The following PCDH9 variants were observed in gnomAD, a reference collection of about 807,000 sequenced individuals.
PCDH9 encodes the protein protocadherin 9.
A neutral mutation model predicts 70.6 loss-of-function variants in PCDH9; 24 were observed. That is an observed-to-expected ratio of 0.34 (90% CI 0.25 to 0.48). The LOEUF is 0.48. Among genes scored for constraint, PCDH9 ranks in the 20% least tolerant of loss-of-function variants. The pLI is 0.99. For missense variants in PCDH9, 1,281 were observed against 1,503.6 expected, an observed-to-expected ratio of 0.85 and a Z score of 2.45; for synonymous variants, 562 against 558.5, an observed-to-expected ratio of 1.01 and a Z score of -0.09.
intron 2 of PCDH9, among the ~76,000 whole-genome samples, chr13:67,043,617 A>C (rs998215942): frequency 6.6e-6 from 1 of 152,226 alleles, no homozygotes; most frequent in South Asian, 2.1e-4. Flanking sequence ...ATAGACAGAC[A>C]TCTAGGCTGA....
At chr13:67,141,628 A>G (rs906947400) in intron 2 of PCDH9, among the ~76,000 whole-genome samples, 4 of 151,680 alleles carry the variant, frequency 2.6e-5, no homozygotes, top group African/African-American at 9.7e-5. Flanking sequence ...TCCATTAGAG[A>G]TAGAGTTTCA....
chr13:67,051,697 G>A (rs2085328426), intron 2 of PCDH9, among the ~76,000 whole-genome samples: 1 of 151,990 alleles, frequency 6.6e-6, no homozygotes, highest in Admixed American at 6.6e-5. Context: ...AGCAAACAGT[G>A]AAGGTAAGAA....
At position 67,006,355 on chromosome 13, in the gene PCDH9, C is replaced by T. The variant is rs139580681; in HGVS notation, c.3037-102750G>A. Among the ~76,000 whole-genome samples, 4 of 152,166 alleles carry T rather than the reference C, an allele frequency of 2.6e-5. No homozygotes were observed. The East Asian group carries it at 7.7e-4, about 29-fold the overall frequency. ...GTGCAGGAATGTATAAAATACAAAA[C>T]CGGAATAGAAATGGAAGAGGCTTCT... On this transcript the variant is annotated intron_variant, in intron 2 of 4. Transcript: ENST00000377865.
intron 3 of PCDH9, among the ~76,000 whole-genome samples, chr13:66,726,265 T>C (rs2079004201): frequency 6.6e-6 from 1 of 152,018 alleles, no homozygotes; most frequent in Non-Finnish European, 1.5e-5. Context: ...TTGGAAGAAT[T>C]CAGGAGAAAG....
intron 3 of PCDH9, among the ~76,000 whole-genome samples, chr13:66,731,812 G>C (rs1179809917): frequency 1.3e-5 from 2 of 151,804 alleles, no homozygotes; most frequent in East Asian, 3.9e-4. Context: ...CCCTTCCATT[G>C]CTTTTCTCTA....
intron 4 of PCDH9, among the ~76,000 whole-genome samples, chr13:66,331,350 C>T (rs370411798): frequency 6.6e-6 from 1 of 152,104 alleles, no homozygotes; most frequent in Non-Finnish European, 1.5e-5. Context: ...GGTTGGCCAA[C>T]ACATACTGAA....
chr13:66,484,408 C>T (rs1000749048), intron 4 of PCDH9, among the ~76,000 whole-genome samples: 4 of 152,056 alleles, frequency 2.6e-5, no homozygotes, highest in African/African-American at 7.2e-5. Context: ...AGTGAAGAAG[C>T]GAGCCACACC....
intron 3 of PCDH9, among the ~76,000 whole-genome samples, chr13:66,649,033 TA>T (rs1281263273): frequency 6.6e-6 from 1 of 151,706 alleles, no homozygotes; most frequent in Non-Finnish European, 1.5e-5. Context: ...AACGAATGAA[TA>T]AAAAAGATTG....
chr13:66,453,886 A>G (rs1958264637), intron 4 of PCDH9, among the ~76,000 whole-genome samples: 1 of 152,216 alleles, frequency 6.6e-6, no homozygotes, highest in Admixed American at 6.5e-5. Flanking sequence ...ATTAAAGTTC[A>G]CTTTCTTATC....
chr13:66,484,227 T>G (rs551198576), intron 4 of PCDH9, among the ~76,000 whole-genome samples: 183 of 152,202 alleles, frequency 1.2e-3, no homozygotes, highest in Non-Finnish European at 2.1e-4. Context: ...TCTAATTGAG[T>G]TGGTTAACAC....
chr13:67,194,344 T>G (rs1033889334), intron 2 of PCDH9, among the ~76,000 whole-genome samples: 3 of 149,156 alleles, frequency 2.0e-5, no homozygotes, highest in African/African-American at 7.3e-5. Flanking sequence ...TGTGGAAAAC[T>G]GAAATAAGTT....
intron 3 of PCDH9, among the ~76,000 whole-genome samples, chr13:66,757,512 T>G (rs1463033673): frequency 6.6e-6 from 1 of 152,138 alleles, no homozygotes; most frequent in Non-Finnish European, 1.5e-5. Context: ...AACCAAATTC[T>G]ATGTGTCCTC....
At chr13:67,087,619 C>T (rs1159114134) in intron 2 of PCDH9, among the ~76,000 whole-genome samples, 2 of 152,082 alleles carry the variant, frequency 1.3e-5, no homozygotes, top group Non-Finnish European at 2.9e-5. Context: ...TTGTTCCTCT[C>T]CATTGGCAAA....
intron 4 of PCDH9, among the ~76,000 whole-genome samples, chr13:66,476,674 A>T (rs542681653): frequency 6.6e-6 from 1 of 152,150 alleles, no homozygotes; most frequent in South Asian, 2.1e-4. Context: ...TTTAAAGCCC[A>T]GCAAACTAGA....
chr13:66,491,385 T>TTTTGTGTG (rs1555299288), intron 4 of PCDH9, among the ~76,000 whole-genome samples: 2 of 136,030 alleles, frequency 1.5e-5, no homozygotes, highest in African/African-American at 5.6e-5. Flanking sequence ...GCAGGAGATA[T>TTTTGTGTG]TGTGTGTGTG....
chr13:66,422,761 C>T (rs1957590834), intron 4 of PCDH9, among the ~76,000 whole-genome samples: 1 of 151,692 alleles, frequency 6.6e-6, no homozygotes, highest in Admixed American at 6.6e-5. Flanking sequence ...GAAGCAAGAG[C>T]AAATAAATTC....
At chr13:66,713,558 G>A (rs949680753) in intron 3 of PCDH9, among the ~76,000 whole-genome samples, 1 of 145,014 alleles carries the variant, frequency 6.9e-6, no homozygotes, top group Non-Finnish European at 1.5e-5. Context: ...GATCATCTCT[G>A]CAAAGCCTAA....
At chr13:67,039,776 C>T (rs2085076344) in intron 2 of PCDH9, among the ~76,000 whole-genome samples, 1 of 152,096 alleles carries the variant, frequency 6.6e-6, no homozygotes, top group Admixed American at 6.5e-5. Context: ...GACAAGGGAG[C>T]TTTGGTAACC....
At chr13:67,179,465 C>G (rs2088559005) in intron 2 of PCDH9, among the ~76,000 whole-genome samples, 1 of 152,110 alleles carries the variant, frequency 6.6e-6, no homozygotes, top group Admixed American at 6.6e-5. Flanking sequence ...CCGTACACAA[C>G]TGCTCAATGA....
Sources: gnomAD v4.1 joint callset for allele counts (sites outside exome capture counted in the v4.1 genomes callset) on GRCh38, gnomAD v4.1.1 for gene constraint, MANE v1.5 for transcripts, NCBI Gene and HGNC (gene_info 2026-07-23, HGNC 2026-07-21) for gene names.